The following TFDP2 variants were observed in gnomAD, a reference collection of about 807,000 sequenced individuals.
TFDP2 encodes the protein transcription factor Dp-2.
TFDP2 carries 17 observed loss-of-function variants against 59.3 expected under a neutral mutation model. That is an observed-to-expected ratio of 0.29 (90% CI 0.20 to 0.43). TFDP2 has a LOEUF of 0.43. Ranked by LOEUF, TFDP2 falls within the 20% of genes least tolerant of loss-of-function variation. The pLI, the probability that TFDP2 is intolerant of heterozygous loss-of-function variation, is 1.00. For synonymous variants in TFDP2, 180 were observed against 194.7 expected, an observed-to-expected ratio of 0.92 and a Z score of 0.63; for missense variants, 391 against 528.8, an observed-to-expected ratio of 0.74 and a Z score of 2.56.
At position 141,968,773 on chromosome 3, in the gene TFDP2, CAT is replaced by C. The variant is rs1317966650; in HGVS notation, c.732+1298_732+1299del. Among the ~76,000 whole-genome samples, 27 of 73,708 alleles carry C rather than the reference CAT, an allele frequency of 3.7e-4. 1 individual carries two copies. The highest frequency in any genetic ancestry group is 5.4e-4 in the Admixed American group (3 of 5,524). The allele number at this position is 73,708 out of a possible 152,430, so 48.4% of individuals were successfully genotyped here. On this transcript the variant is annotated intron_variant, in intron 9 of 12. Coordinates refer to ENST00000489671, the MANE Select transcript of TFDP2 (RefSeq NM_001178139.2). The stretch of plus-strand genomic sequence containing the variant: ...ATAGATATATATAACATATATATCT[CAT>C]ATATAGATATATATAACACATATAT...
chr3:142,050,040 G>A (rs1456025822), intron 3 of TFDP2, among the ~76,000 whole-genome samples: 3 of 151,358 alleles, frequency 2.0e-5, no homozygotes, highest in Admixed American at 6.6e-5. Context: ...AGGCTGAGGC[G>A]GGCAGATCAC....
intron 3 of TFDP2, among the ~76,000 whole-genome samples, chr3:142,051,596 T>A (rs1295384473): frequency 6.6e-6 from 1 of 151,582 alleles, no homozygotes; most frequent in Non-Finnish European, 1.5e-5. Flanking sequence ...TGAGAACCAC[T>A]GAGCTACCAA....
intron 1 of TFDP2, among the ~76,000 whole-genome samples, chr3:142,132,799 T>TA (rs576724260): frequency 0.087 from 12,029 of 137,848 alleles, 719 homozygotes; most frequent in Middle Eastern, 0.14. Context: ...AATAAAGCTT[T>TA]AAAAAAAAAA....
chr3:142,123,971 T>G (rs1311365659), intron 1 of TFDP2, among the ~76,000 whole-genome samples: 1 of 152,074 alleles, frequency 6.6e-6, no homozygotes, highest in Non-Finnish European at 1.5e-5. Flanking sequence ...AGCTTACTTA[T>G]ACACAAGAAC....
intron 2 of TFDP2, among the ~76,000 whole-genome samples, chr3:142,094,890 C>T (rs2061113191): frequency 6.6e-6 from 1 of 152,190 alleles, no homozygotes; most frequent in Non-Finnish European, 1.5e-5. Context: ...CTGTGCAGCA[C>T]ATCAGATCTC....
At chr3:141,999,854 G>C (rs968661487) in intron 4 of TFDP2, among the ~76,000 whole-genome samples, 1 of 151,686 alleles carries the variant, frequency 6.6e-6, no homozygotes, top group South Asian at 2.1e-4. Flanking sequence ...TCCTGCCTCA[G>C]CCTCCTGAGT....
chr3:141,960,043 T>C (rs1937167696), intron 10 of TFDP2, among the ~76,000 whole-genome samples: 1 of 152,140 alleles, frequency 6.6e-6, no homozygotes, highest in African/African-American at 2.4e-5. Context: ...TAAAACAACA[T>C]TCCTCTGACA....
In TFDP2 at chr3:141,946,390, G is replaced by C. The variant is rs1225030487; in HGVS notation, c.*6123C>G. ...GGCAAGACAGCATTGACTTCAACAG[G>C]CCTTTTTTGTAAAGCAAAAGGTAAG... On this transcript the variant is annotated 3_prime_UTR_variant, in exon 13 of 13. Transcript: ENST00000489671. The C allele has an allele frequency of 6.6e-6, 1 of 152,240 alleles. No homozygotes were observed. The highest frequency in any genetic ancestry group is 2.4e-5 in the African/African-American group (1 of 41,454). 9.4% of individuals were successfully genotyped at this position (152,240 alleles called of 1,614,324 possible). A position where few individuals can be genotyped will look rare whatever the true frequency, so the allele number is the denominator to read the frequency against.
chr3:142,099,975 C>A (rs183583741), intron 2 of TFDP2, among the ~76,000 whole-genome samples: 221 of 152,260 alleles, frequency 1.5e-3, no homozygotes, highest in Admixed American at 5.4e-3. Context: ...GCCCTCATAT[C>A]CTAATGACTC....
At chr3:141,956,183 T>G (rs1267195969) in intron 11 of TFDP2, among the ~76,000 whole-genome samples, 1 of 152,154 alleles carries the variant, frequency 6.6e-6, no homozygotes, top group Non-Finnish European at 1.5e-5. Context: ...TCTAAATTAG[T>G]GAAAAAAATC....
At chr3:141,988,684 T>C (rs1193823599) in intron 6 of TFDP2, among the ~76,000 whole-genome samples, 1 of 149,802 alleles carries the variant, frequency 6.7e-6, no homozygotes, top group Non-Finnish European at 1.5e-5. Flanking sequence ...TTTTTTTTTT[T>C]TTTGAGATGG....
chr3:142,028,798 T>G (rs10935453), intron 3 of TFDP2: 537,733 of 815,474 alleles, frequency 0.66, 180,467 homozygotes, highest in East Asian at 0.78. Flanking sequence ...CAAAGACATC[T>G]CAAAAGAAAT....
chr3:142,091,574 A>T (rs1020426765), intron 3 of TFDP2, among the ~76,000 whole-genome samples: 10 of 152,022 alleles, frequency 6.6e-5, no homozygotes, highest in Non-Finnish European at 1.0e-4. Context: ...ACCAAAAAAA[A>T]AATAAATAAA....
chr3:142,076,354 C>T (rs900580527), intron 3 of TFDP2, among the ~76,000 whole-genome samples: 3 of 152,026 alleles, frequency 2.0e-5, no homozygotes, highest in East Asian at 1.9e-4. Context: ...TGCTGTGGTA[C>T]CATTTATCAG....
At chr3:142,089,336 GA>G (rs537878105) in intron 3 of TFDP2, among the ~76,000 whole-genome samples, 4 of 151,162 alleles carry the variant, frequency 2.6e-5, no homozygotes, top group African/African-American at 9.7e-5. Flanking sequence ...AGTGATAACT[GA>G]AAAAAAATAA....
rs550510252 is a variant in TFDP2 at position 142,057,788 on chromosome 3, A to G, written c.82+35273T>C. Among the ~76,000 whole-genome samples the G allele has an allele frequency of 2.6e-5, 4 of 152,342 alleles. No homozygotes were observed. The East Asian group carries it at 7.7e-4, about 29-fold the overall frequency. ...TACCTATAGAATTATGTATGGCTACAGGGAGACGCTAGAAGTTTTCCTCTT... is the reference window on the plus strand; with the variant it reads ...TACCTATAGAATTATGTATGGCTACGGGGAGACGCTAGAAGTTTTCCTCTT... On this transcript the variant is annotated intron_variant, in intron 3 of 12. Transcript: ENST00000489671.
intron 6 of TFDP2, among the ~76,000 whole-genome samples, chr3:141,991,999 G>A (rs569193608): frequency 7.0e-6 from 1 of 143,826 alleles, no homozygotes; most frequent in Non-Finnish European, 1.5e-5. Flanking sequence ...CTGAGATCAA[G>A]CCATTGCACT....
chr3:142,051,771 G>T (rs1947641468), intron 3 of TFDP2, among the ~76,000 whole-genome samples: 1 of 152,138 alleles, frequency 6.6e-6, no homozygotes, highest in Non-Finnish European at 1.5e-5. Flanking sequence ...GGAATGATTG[G>T]ATATTCATAT....
chr3:142,145,711 C>CTAAA (rs142832325), intron 1 of TFDP2, among the ~76,000 whole-genome samples: 6,812 of 148,124 alleles, frequency 0.046, 481 homozygotes, highest in African/African-American at 0.15. Flanking sequence ...GACTCTGTCT[C>CTAAA]TAAATAAATA....
Sources: allele counts gnomAD v4.1 joint callset (sites outside exome capture counted in the v4.1 genomes callset), GRCh38; gene constraint gnomAD v4.1.1; transcripts MANE v1.5; gene names NCBI Gene and HGNC (gene_info 2026-07-23, HGNC 2026-07-21).